The following CTDP1 variants were observed in gnomAD, a reference collection of about 807,000 sequenced individuals.
CTDP1 encodes the protein RNA polymerase II subunit A C-terminal domain phosphatase.
Under a neutral mutation model 91.8 loss-of-function variants are expected in CTDP1, and 47 were observed. The observed-to-expected ratio is 0.51, with a 90% CI of 0.41 to 0.65. The LOEUF (loss-of-function observed/expected upper bound fraction) is 0.65, where lower values mean the gene tolerates loss of function less well. CTDP1 is among the 30% of genes least tolerant of loss of function. The pLI, the probability that CTDP1 is intolerant of heterozygous loss-of-function variation, is 0.00. For synonymous variants in CTDP1, 656 were observed against 598.5 expected, an observed-to-expected ratio of 1.10 and a Z score of -1.40; for missense variants, 1,272 against 1,373.7, an observed-to-expected ratio of 0.93 and a Z score of 1.17.
At chr18:79,755,147 G>C (rs1399634306), downstream of CTDP1, 6 of 152,216 alleles carry the variant, frequency 3.9e-5, no homozygotes, top group African/African-American at 1.4e-4. Flanking sequence ...CAGGGTCCTG[G>C]TGCTGCTGTC....
chr18:79,717,505 A>G (rs2122652437), intron 8 of CTDP1, 30 bp from the exon 9 acceptor site: 1 of 1,610,766 alleles, frequency 6.2e-7, no homozygotes, highest in Non-Finnish European at 8.5e-7. Context: ...TGCTGGCCGG[A>G]ACAGCCTGAC....
intron 12 of CTDP1, among the ~76,000 whole-genome samples, chr18:79,752,210 G>A (rs1364796173): frequency 6.6e-6 from 1 of 152,180 alleles, no homozygotes; most frequent in Admixed American, 6.5e-5. Flanking sequence ...GGCTGGTTAT[G>A]CAGAGGCTCG....
At chr18:79,699,446 G>A (rs2085813023) in intron 4 of CTDP1, among the ~76,000 whole-genome samples, 1 of 151,962 alleles carries the variant, frequency 6.6e-6, no homozygotes, top group Non-Finnish European at 1.5e-5. Flanking sequence ...ATTTTTTTTA[G>A]TAGAGACGGG....
At chr18:79,693,165 T>C (rs2085659138) in intron 1 of CTDP1, among the ~76,000 whole-genome samples, 3 of 152,132 alleles carry the variant, frequency 2.0e-5, no homozygotes, top group African/African-American at 7.2e-5. Context: ...CAGGTGTCCC[T>C]GAGGCCTGTG....
chr18:79,706,359 T>A (rs1045356909), intron 5 of CTDP1, among the ~76,000 whole-genome samples: 3 of 152,188 alleles, frequency 2.0e-5, no homozygotes, highest in African/African-American at 7.2e-5. Context: ...CAGCCCCAGA[T>A]TGTGCCGTTG....
intron 1 of CTDP1, among the ~76,000 whole-genome samples, chr18:79,692,161 C>CTCCCAGGGTGGACTCCGGGT (rs2085638670): frequency 6.6e-6 from 1 of 151,128 alleles, no homozygotes; most frequent in Non-Finnish European, 1.5e-5. Context: ...GAGTGGACGG[C>CTCCCAGGGTGGACTCCGGGT]TCCCAGGGTG....
At chr18:79,686,478 T>G (rs1210532483) in intron 1 of CTDP1, among the ~76,000 whole-genome samples, 2 of 152,392 alleles carry the variant, frequency 1.3e-5, no homozygotes, top group East Asian at 3.9e-4. Context: ...TCTTAAAGGA[T>G]AAATGCACAT....
chr18:79,696,516 C>CG (rs1177783223), intron 3 of CTDP1, among the ~76,000 whole-genome samples: 2 of 137,088 alleles, frequency 1.5e-5, no homozygotes, highest in Non-Finnish European at 3.1e-5. Flanking sequence ...AGTCGGTGGC[C>CG]GGGGGTAGGG....
intron 10 of CTDP1, among the ~76,000 whole-genome samples, chr18:79,719,298 G>A (rs190105394): frequency 6.6e-6 from 1 of 152,258 alleles, no homozygotes; most frequent in Admixed American, 6.5e-5. Context: ...AGGAGGAGTC[G>A]GGTCGGGTGA....
chr18:79,707,457 C>T (rs2085989932), intron 5 of CTDP1, among the ~76,000 whole-genome samples: 1 of 152,236 alleles, frequency 6.6e-6, no homozygotes, highest in Non-Finnish European at 1.5e-5. Context: ...GAGCCTCGAG[C>T]GCGGGTCCTC....
At chr18:79,727,444 A>C (rs1185779696) in intron 10 of CTDP1, among the ~76,000 whole-genome samples, 1 of 150,752 alleles carries the variant, frequency 6.6e-6, no homozygotes, top group Admixed American at 6.6e-5. Context: ...GAAGCCTGGC[A>C]TTCACGGTGT....
Position 79,720,844 on chromosome 18 carries a change from C to T in CTDP1, c.2417+2828C>T, listed in dbSNP as rs111332336. Among the ~76,000 whole-genome samples the T allele has an allele frequency of 5.6e-3, 848 of 152,286 alleles. 5 individuals are homozygous for T. Among genetic ancestry groups the T allele is most frequent in the African/African-American group, 0.019 (795 of 41,564 alleles). ...CCCACCAGGCTGCCCTCATCTCGGA[C>T]CCCCAGGCCACCTCACTGTCCAGCT... On this transcript the variant is annotated intron_variant, in intron 10 of 12. Transcript: ENST00000613122.
intron 11 of CTDP1, among the ~76,000 whole-genome samples, chr18:79,732,201 C>T (rs759969066): frequency 6.8e-6 from 1 of 146,570 alleles, no homozygotes; most frequent in Non-Finnish European, 1.5e-5. Context: ...TCGCTGTCAT[C>T]AGGAGTGCTC....
chr18:79,723,862 G>A (rs921858232), intron 10 of CTDP1, among the ~76,000 whole-genome samples: 14 of 152,102 alleles, frequency 9.2e-5, no homozygotes, highest in Non-Finnish European at 1.5e-4. Flanking sequence ...ACGGCAAGTC[G>A]GCAACCTTCT....
At chr18:79,703,954 C>G (rs559763749) in intron 4 of CTDP1, among the ~76,000 whole-genome samples, 32 of 149,226 alleles carry the variant, frequency 2.1e-4, no homozygotes, top group Middle Eastern at 3.4e-3. Context: ...TCGTTGCAGG[C>G]AGGTAGCTAT....
chr18:79,739,655 C>T lies in CTDP1; in HGVS notation c.2747+3134C>T, dbSNP rs147691730. Reference sequence around the variant, plus strand: ...AGGACCAGATCAGTACTGTAATTGCCGTTTCACTCTATGTCTTACAGACTC... The same window carrying T: ...AGGACCAGATCAGTACTGTAATTGCTGTTTCACTCTATGTCTTACAGACTC... On this transcript the variant is annotated intron_variant, in intron 12 of 12. Transcript: ENST00000613122. Among the ~76,000 whole-genome samples the T allele has an allele frequency of 7.5e-3, 1,149 of 152,242 alleles. 16 individuals carry two copies. Among genetic ancestry groups the T allele is most frequent in the African/African-American group, 0.026 (1,079 of 41,542 alleles).
Position 79,753,657 on chromosome 18 carries a change from A to T in CTDP1, c.2753A>T (p.His918Leu). 6.2e-7 allele frequency: 1 copy of T among 1,614,178 alleles called. No homozygotes were observed. Among genetic ancestry groups the T allele is most frequent in the Non-Finnish European group, 8.5e-7 (1 of 1,180,010 alleles). ...SAAGGRGPRGHKRKLNEEDAA... is the reference protein window; with the variant it reads ...SAAGGRGPRGLKRKLNEEDAA... ...CCATGTTTGCTTCTCTGCAGAGGCC[A>T]CAAGAGGAAGCTGAATGAAGAGGAC... The change falls in exon 13 of 13, where the codon CAC (histidine) becomes CTC (leucine). Residue 918 changes from histidine (H) to leucine (L), a missense_variant. His to Leu is a moderately conservative substitution (Grantham distance 99, BLOSUM62 -3). This residue lies in a region of CTDP1 where 881 missense variants were observed against 911.6 expected (regional missense o/e 0.97). Coordinates refer to ENST00000613122, the MANE Select transcript of CTDP1 (RefSeq NM_004715.5).
chr18:79,715,539 C>A lies in CTDP1; in HGVS notation c.2068+11C>A. On this transcript the variant is annotated intron_variant, in intron 8 of 12. Coordinates refer to ENST00000613122, the MANE Select transcript of CTDP1 (RefSeq NM_004715.5). ...TCGCCGCGCGAGCTGGTGAGTGCTG[C>A]CTCCCTGTGCCCTGGGCATGGTCAG... 1 of 1,542,214 alleles carries A rather than the reference C, an allele frequency of 6.5e-7. No homozygotes were observed. Among genetic ancestry groups the A allele is most frequent in the East Asian group, 2.4e-5 (1 of 41,260 alleles).
chr18:79,743,016 A>C (rs950865122), intron 12 of CTDP1, among the ~76,000 whole-genome samples: 2 of 152,184 alleles, frequency 1.3e-5, no homozygotes, highest in Non-Finnish European at 2.9e-5. Context: ...CCATGTGGAG[A>C]TGTAACATTT....
Sources: gnomAD v4.1 joint callset for allele counts (sites outside exome capture counted in the v4.1 genomes callset) on GRCh38, gnomAD v4.1.1 for gene constraint, gnomAD v4.1.1 regional missense constraint, MANE v1.5 for transcripts, NCBI Gene and HGNC (gene_info 2026-07-23, HGNC 2026-07-21) for gene names.